The following PRIM2 variants were observed in gnomAD, a reference collection of about 807,000 sequenced individuals.
The protein encoded by PRIM2 is DNA primase subunit 2.
A neutral mutation model predicts 67.3 loss-of-function variants in PRIM2; 39 were observed. The ratio of observed to expected loss-of-function variants is 0.58; its 90% CI spans 0.45 to 0.76. The LOEUF (loss-of-function observed/expected upper bound fraction) is 0.76, where lower values mean the gene tolerates loss of function less well. Ranked by LOEUF, PRIM2 falls within the 30% of genes least tolerant of loss-of-function variation. The probability of loss-of-function intolerance (pLI) is 0.00; values close to 1 mark genes in which losing one functional copy is unlikely to be tolerated. For missense variants in PRIM2, 398 were observed against 598.7 expected (o/e 0.66, Z 3.50); for synonymous variants, 143 against 198.7 (o/e 0.72, Z 2.36).
chr6:57,359,891 T>A (rs1769142252), intron 5 of PRIM2, among the ~76,000 whole-genome samples: 1 of 152,226 alleles, frequency 6.6e-6, no homozygotes, highest in African/African-American at 2.4e-5. Flanking sequence ...GCTTAAAAGT[T>A]AGCTGAGAAG....
In PRIM2 at chr6:57,348,454, T is replaced by C. The variant is rs550514712; in HGVS notation, c.459+22409T>C. Among the ~76,000 whole-genome samples the C allele has an allele frequency of 1.6e-3, 238 of 152,278 alleles. 1 individual carries two copies. The highest frequency in any genetic ancestry group is 4.7e-3 in the African/African-American group (197 of 41,552). ...GCCAGGAAAAGAAAAGTTATGGACT[T>C]GAGTTGGTTTTTTTTACTATCTCAC... On this transcript the variant is annotated intron_variant, in intron 5 of 13. Coordinates refer to ENST00000615550, the MANE Select transcript of PRIM2 (RefSeq NM_000947.5).
In PRIM2 at chr6:57,539,578, G is replaced by A. The variant is rs1333056585; in HGVS notation, c.1020+1953G>A. On this transcript the variant is annotated intron_variant, in intron 10 of 13. Coordinates refer to ENST00000615550, the MANE Select transcript of PRIM2 (RefSeq NM_000947.5). ...TTGATTATATTCTTTGTGTGTGTGT[G>A]TGTGTGTGTCAATTATAGTTTTGAT... 7.9e-5 allele frequency among the ~76,000 whole-genome samples: 12 copies of A among 151,708 alleles called. No individual in the cohort carries two copies. The East Asian group carries it at 2.3e-3, about 29-fold the overall frequency.
the PRIM2 span, among the ~76,000 whole-genome samples, chr6:57,235,150 A>AAAAAC: frequency 4.6e-5 from 7 of 151,942 alleles, no homozygotes; most frequent in African/African-American, 1.5e-4. Context: ...GACCCTTCTC[A>AAAAAC]AAAACAAAAC....
At chr6:57,437,746 G>T (rs7757547) in intron 7 of PRIM2, among the ~76,000 whole-genome samples, 2,313 of 148,580 alleles carry the variant, frequency 0.016, 64 homozygotes, top group African/African-American at 0.054. Flanking sequence ...GCTCACTGCA[G>T]CCTCGAACTC....
chr6:57,276,886 C>T, the PRIM2 span, among the ~76,000 whole-genome samples: 1 of 148,664 alleles, frequency 6.7e-6, no homozygotes, highest in Non-Finnish European at 1.5e-5. Flanking sequence ...GAGACCCTGC[C>T]TCAAAAAAAA....
chr6:57,416,749 T>C (rs1472051892), intron 7 of PRIM2, among the ~76,000 whole-genome samples: 1 of 152,198 alleles, frequency 6.6e-6, no homozygotes, highest in African/African-American at 2.4e-5. Flanking sequence ...TTTTATGTTA[T>C]AGAGATGGCT....
rs1305467312 is a variant in PRIM2 at position 57,572,262 on chromosome 6, A to G, written c.1021-28831A>G. ...GCTCCCTTTTATTTTGCTTTGTTCAATCCCCAGTTGAATGGAATAGTGTTG... is the reference window on the plus strand; with the variant it reads ...GCTCCCTTTTATTTTGCTTTGTTCAGTCCCCAGTTGAATGGAATAGTGTTG... On this transcript the variant is annotated intron_variant, in intron 10 of 13. Transcript: ENST00000615550. Among the ~76,000 whole-genome samples the G allele has an allele frequency of 1.2e-4, 18 of 152,342 alleles. No individual in the cohort carries two copies. The East Asian group carries it at 3.3e-3, about 28-fold the overall frequency.
the PRIM2 span, among the ~76,000 whole-genome samples, chr6:57,273,526 G>A: frequency 7.9e-5 from 12 of 152,062 alleles, no homozygotes; most frequent in Admixed American, 1.3e-4. Flanking sequence ...TTATGCATTC[G>A]TATAATTTTT....
At chr6:57,355,301 C>CAAAA (rs66639419) in intron 5 of PRIM2, among the ~76,000 whole-genome samples, 1 of 63,624 alleles carries the variant, frequency 1.6e-5, no homozygotes. Flanking sequence ...GACTCTGTCT[C>CAAAA]AAAAAAAAAA....
At chr6:57,518,120 C>CT (rs1774524058) in intron 8 of PRIM2, among the ~76,000 whole-genome samples, 1 of 152,134 alleles carries the variant, frequency 6.6e-6, no homozygotes, top group Non-Finnish European at 1.5e-5. Flanking sequence ...TTTCTAATTA[C>CT]TATTTGGAAA....
intron 7 of PRIM2, among the ~76,000 whole-genome samples, chr6:57,388,402 T>C (rs975164034): frequency 7.9e-5 from 12 of 152,178 alleles, no homozygotes; most frequent in African/African-American, 2.9e-4. Flanking sequence ...AGTTAGTTTT[T>C]AAAGTAATAT....
intron 10 of PRIM2, among the ~76,000 whole-genome samples, chr6:57,578,861 A>ATTTT (rs1776020261): frequency 1.3e-5 from 2 of 151,426 alleles, no homozygotes; most frequent in East Asian, 3.9e-4. Context: ...TATTTTTAGT[A>ATTTT]GAGACGGGGT....
chr6:57,230,871 T>C, the PRIM2 span, among the ~76,000 whole-genome samples: 1 of 152,202 alleles, frequency 6.6e-6, no homozygotes, highest in South Asian at 2.1e-4. Context: ...GAGGTTGGTG[T>C]TCATGTCTCC....
the PRIM2 span, among the ~76,000 whole-genome samples, chr6:57,224,120 C>T: frequency 6.6e-6 from 1 of 152,092 alleles, no homozygotes; most frequent in Non-Finnish European, 1.5e-5. Context: ...TATATACATG[C>T]AATAAAATAT....
At position 57,345,223 on chromosome 6, in the gene PRIM2, T is replaced by A. The variant is rs571213128; in HGVS notation, c.459+19178T>A. Among the ~76,000 whole-genome samples the A allele has an allele frequency of 1.2e-4, 18 of 152,260 alleles. No homozygotes were observed. The East Asian group carries it at 3.3e-3, about 28-fold the overall frequency. ...GCCTAGCTTGAGTGCAGTGACGTGA[T>A]CTTGGCTCACTGCAACCTTTGCCTC... On this transcript the variant is annotated intron_variant, in intron 5 of 13. Transcript: ENST00000615550.
At chr6:57,547,882 G>T (rs1775320995) in intron 10 of PRIM2, among the ~76,000 whole-genome samples, 1 of 152,218 alleles carries the variant, frequency 6.6e-6, no homozygotes, top group African/African-American at 2.4e-5. Context: ...TATTTGGCTG[G>T]TGGGATGTGA....
At chr6:57,266,368 A>G in the PRIM2 span, among the ~76,000 whole-genome samples, 22 of 152,340 alleles carry the variant, frequency 1.4e-4, no homozygotes, top group South Asian at 4.1e-3. Context: ...CGGCCTACAG[A>G]GTCAAGAATG....
chr6:57,488,384 A>G (rs1230153042), intron 7 of PRIM2, among the ~76,000 whole-genome samples: 2 of 152,194 alleles, frequency 1.3e-5, no homozygotes, highest in Non-Finnish European at 2.9e-5. Flanking sequence ...TAATCTGCAA[A>G]GTAGTCTACT....
Position 57,565,505 on chromosome 6 carries a change from G to A in PRIM2, c.1020+27880G>A, listed in dbSNP as rs1260327149. Among the ~76,000 whole-genome samples, 3 of 150,982 alleles carry A rather than the reference G, an allele frequency of 2.0e-5. No individual in the cohort carries two copies. The Admixed American group carries it at 2.0e-4, about 10-fold the overall frequency. On this transcript the variant is annotated intron_variant, in intron 10 of 13. Coordinates refer to ENST00000615550, the MANE Select transcript of PRIM2 (RefSeq NM_000947.5). ...GAACTGGGGGAGCCAGTAAGTCCCAGTCCAAGGATAGGAGAAGACCAGTGT... is the reference window on the plus strand; with the variant it reads ...GAACTGGGGGAGCCAGTAAGTCCCAATCCAAGGATAGGAGAAGACCAGTGT...
Sources: allele counts gnomAD v4.1 joint callset (sites outside exome capture counted in the v4.1 genomes callset), GRCh38; gene constraint gnomAD v4.1.1; transcripts MANE v1.5; gene names NCBI Gene and HGNC (gene_info 2026-07-23, HGNC 2026-07-21).